The following ABI2 variants were observed in gnomAD, a reference collection of about 807,000 sequenced individuals.
ABI2 encodes the protein abelson interactor 2.
ABI2 carries 25 observed loss-of-function variants against 59.2 expected under a neutral mutation model. The ratio of observed to expected loss-of-function variants is 0.42; its 90% CI spans 0.31 to 0.59. The LOEUF (loss-of-function observed/expected upper bound fraction) is 0.59. ABI2 is among the 20% of genes least tolerant of loss of function. ABI2 has a pLI of 0.14. For synonymous variants in ABI2, 213 were observed against 235.5 expected, an observed-to-expected ratio of 0.90 and a Z score of 0.87; for missense variants, 545 against 681.8, an observed-to-expected ratio of 0.80 and a Z score of 2.23.
rs76173356 is a variant in ABI2, at chr2:203,404,369, G to A, written c.1192+1635G>A. ...AGTGTGAATACCAACTGCCTTAATT[G>A]ATATATACTTCCCTTCTATCTTTTA... On this transcript the variant is annotated intron_variant, in intron 9 of 11. Coordinates refer to ENST00000261018, the MANE Select transcript of ABI2 (RefSeq NM_001375670.1). Among the ~76,000 whole-genome samples the A allele has an allele frequency of 1.9e-3, 284 of 152,266 alleles. 6 individuals are homozygous for A. In the East Asian group the frequency reaches 0.049, roughly 26 times the overall value.
Position 203,410,759 on chromosome 2 carries a change from T to G in ABI2, c.1193-526T>G, listed in dbSNP as rs1258213571. Reference sequence around the variant, plus strand: ...TCTAATTAATGAATGAAGAACCAGTTTACTTGCCTACAATTAGAGTAATAA... The same window carrying G: ...TCTAATTAATGAATGAAGAACCAGTGTACTTGCCTACAATTAGAGTAATAA... On this transcript the variant is annotated intron_variant, in intron 9 of 11. Coordinates refer to ENST00000261018, the MANE Select transcript of ABI2 (RefSeq NM_001375670.1). Among the ~76,000 whole-genome samples the G allele has an allele frequency of 2.0e-5, 3 of 152,184 alleles. No individual in the cohort carries two copies. The South Asian group carries it at 6.2e-4, about 31-fold the overall frequency.
In ABI2 at chr2:203,382,106, T is replaced by G. The variant is rs973313789; in HGVS notation, c.463-83T>G. On this transcript the variant is annotated intron_variant, in intron 3 of 11. Transcript: ENST00000261018. ...TTAACTTGTTTTTTCTTTTTTTCCTTTCTCTTCACATCCTGAAGTTTCAAC... is the reference window on the plus strand; with the variant it reads ...TTAACTTGTTTTTTCTTTTTTTCCTGTCTCTTCACATCCTGAAGTTTCAAC... 20 of 1,210,432 alleles carry G rather than the reference T, an allele frequency of 1.7e-5. No individual in the cohort carries two copies. The Admixed American group carries it at 5.0e-4, about 30-fold the overall frequency. 75.0% of individuals were successfully genotyped at this position (1,210,432 alleles called of 1,614,324 possible).
chr2:203,336,073 T>C (rs546726111), intron 1 of ABI2, among the ~76,000 whole-genome samples: 1 of 152,344 alleles, frequency 6.6e-6, no homozygotes, highest in Admixed American at 6.5e-5. Flanking sequence ...TTTGACTTCT[T>C]GGTACTAGAA....
At chr2:203,363,952 C>T (rs528236006) in intron 1 of ABI2, among the ~76,000 whole-genome samples, 5 of 151,346 alleles carry the variant, frequency 3.3e-5, no homozygotes, top group Admixed American at 6.6e-5. Flanking sequence ...TTAGTAGAGA[C>T]GGGGTTTTAC....
Position 203,420,833 on chromosome 2 carries a change from G to T in ABI2, c.1453+3752G>T, listed in dbSNP as rs974084366. The stretch of plus-strand genomic sequence containing the variant: ...CTTCTCAGAGAACATGGCGTTCTTG[G>T]TGCCTTGAATGATGAATAGGAGTTT... On this transcript the variant is annotated intron_variant, in intron 11 of 11. Transcript: ENST00000261018. 4.4e-4 allele frequency among the ~76,000 whole-genome samples: 67 copies of T among 151,982 alleles called. 1 individual carries two copies. The highest frequency in any genetic ancestry group is 1.5e-4 in the Non-Finnish European group (10 of 68,024).
At chr2:203,378,977 A>G (rs953793206) in intron 2 of ABI2, among the ~76,000 whole-genome samples, 6 of 152,126 alleles carry the variant, frequency 3.9e-5, no homozygotes, top group African/African-American at 7.2e-5. Flanking sequence ...TTTCTGTTCT[A>G]TTTGATTTGA....
At position 203,385,158 on chromosome 2, in the gene ABI2, A is replaced by AGG. The variant is rs2096437617; in HGVS notation, c.480+2953_480+2954insGG. Among the ~76,000 whole-genome samples, 3 of 9,942 alleles carry AGG rather than the reference A, an allele frequency of 3.0e-4. 1 individual carries two copies. The highest frequency in any genetic ancestry group is 1.1e-3 in the Non-Finnish European group (2 of 1,786). 6.5% of individuals were successfully genotyped at this position (9,942 alleles called of 152,430 possible). On this transcript the variant is annotated intron_variant, in intron 4 of 11. Coordinates refer to ENST00000261018, the MANE Select transcript of ABI2 (RefSeq NM_001375670.1). The stretch of plus-strand genomic sequence containing the variant: ...CAGATTCTTTTTTTTTTTTTGAGAC[A>AGG]GTCTTGCCGTTGCCCAGGCTGGAGT...
intron 1 of ABI2, among the ~76,000 whole-genome samples, chr2:203,343,719 A>G (rs745710919): frequency 6.6e-6 from 1 of 152,162 alleles, no homozygotes; most frequent in Non-Finnish European, 1.5e-5. Context: ...ATTTGATGTT[A>G]TTTGCATATA....
intron 1 of ABI2, among the ~76,000 whole-genome samples, chr2:203,356,846 CA>C (rs940729063): frequency 1.3e-4 from 9 of 67,830 alleles, no homozygotes; most frequent in African/African-American, 2.7e-4. Flanking sequence ...TGGTTTTACA[CA>C]ATTTTTTTTT....
chr2:203,387,833 A>G (rs980748616), intron 4 of ABI2, among the ~76,000 whole-genome samples: 2 of 152,010 alleles, frequency 1.3e-5, no homozygotes, highest in African/African-American at 4.8e-5. Context: ...AGTTTATGGT[A>G]TATGTTCTGT....
intron 1 of ABI2, chr2:203,328,909 A>G (rs1312398999): frequency 1.5e-5 from 4 of 273,166 alleles, no homozygotes; most frequent in African/African-American, 2.2e-5. Flanking sequence ...CCGCCCCCGC[A>G]CTCCGCGCCG....
At chr2:203,393,940 C>T (rs138321013) in intron 5 of ABI2, among the ~76,000 whole-genome samples, 10 of 151,648 alleles carry the variant, frequency 6.6e-5, no homozygotes, top group South Asian at 4.1e-4. Context: ...ATCCTCTTTA[C>T]GAGGAAATTT....
chr2:203,341,635 G>T (rs1259867613), intron 1 of ABI2, among the ~76,000 whole-genome samples: 5 of 152,010 alleles, frequency 3.3e-5, no homozygotes, highest in African/African-American at 1.2e-4. Flanking sequence ...GCTTGAACCC[G>T]GGTGGCAGAG....
At chr2:203,417,977 GAA>G (rs1035740910) in intron 11 of ABI2, among the ~76,000 whole-genome samples, 3 of 152,082 alleles carry the variant, frequency 2.0e-5, no homozygotes, top group African/African-American at 4.8e-5. Context: ...GAGAGAGAGA[GAA>G]AGAGAAACAT....
chr2:203,384,290 G>GTTTTTTTTTTTTTTTTTTTTTTTTT (rs796117154), intron 4 of ABI2, among the ~76,000 whole-genome samples: 1 of 26,110 alleles, frequency 3.8e-5, no homozygotes, highest in African/African-American at 1.6e-4. Flanking sequence ...TTTTGTTTTT[G>GTTTTTTTTTTTTTTTTTTTTTTTTT]TTTTTTTTTT....
chr2:203,424,804 C>T (rs973334981), intron 11 of ABI2, among the ~76,000 whole-genome samples: 11 of 152,194 alleles, frequency 7.2e-5, no homozygotes, highest in African/African-American at 2.7e-4. Flanking sequence ...GTTGTTAAAA[C>T]TCTCAGCTCT....
intron 1 of ABI2, among the ~76,000 whole-genome samples, chr2:203,350,905 CT>C (rs1337440697): frequency 1.3e-5 from 2 of 148,406 alleles, no homozygotes; most frequent in Admixed American, 1.4e-4. Flanking sequence ...CGCGCGCATA[CT>C]TTTAGGTGTT....
chr2:203,415,190 T>C (rs1272997499), intron 10 of ABI2, among the ~76,000 whole-genome samples: 3 of 152,184 alleles, frequency 2.0e-5, no homozygotes, highest in African/African-American at 7.2e-5. Flanking sequence ...ATGAAAGACA[T>C]TCTATTTAAT....
intron 1 of ABI2, among the ~76,000 whole-genome samples, chr2:203,349,975 T>C (rs1399924078): frequency 6.6e-6 from 1 of 152,206 alleles, no homozygotes; most frequent in Admixed American, 6.5e-5. Context: ...ACTGCCAGCC[T>C]GTTTTCCCAG....
Sources: allele counts gnomAD v4.1 joint callset (sites outside exome capture counted in the v4.1 genomes callset), GRCh38; gene constraint gnomAD v4.1.1; transcripts MANE v1.5; gene names NCBI Gene and HGNC (gene_info 2026-07-23, HGNC 2026-07-21).